EPHA7: variants seen among roughly 807,000 people sequenced by gnomAD.
EPHA7 encodes the protein ephrin type-A receptor 7.
Under a neutral mutation model 112.6 loss-of-function variants are expected in EPHA7, and 25 were observed. The ratio of observed to expected loss-of-function variants is 0.22; its 90% CI spans 0.16 to 0.31. EPHA7 has a LOEUF of 0.31. Ranked by LOEUF, EPHA7 falls within the 10% of genes least tolerant of loss-of-function variation. The pLI is 1.00. For synonymous variants in EPHA7, 437 were observed against 406.5 expected, an observed-to-expected ratio of 1.07 and a Z score of -0.90; for missense variants, 962 against 1,212.6, an observed-to-expected ratio of 0.79 and a Z score of 3.07.
At chr6:93,272,769 A>T (rs530527673) in intron 5 of EPHA7, among the ~76,000 whole-genome samples, 1 of 152,002 alleles carries the variant, frequency 6.6e-6, no homozygotes, top group Admixed American at 6.6e-5. Context: ...CTAAGTCCAA[A>T]TATTTATTTC....
chr6:93,262,704 G>T (rs180697651), intron 9 of EPHA7, among the ~76,000 whole-genome samples: 1 of 151,360 alleles, frequency 6.6e-6, no homozygotes, highest in Non-Finnish European at 1.5e-5. Context: ...TTACATAAAA[G>T]CACTTCTGTT....
At chr6:93,248,421 G>C (rs1216476397) in intron 14 of EPHA7, among the ~76,000 whole-genome samples, 1 of 151,932 alleles carries the variant, frequency 6.6e-6, no homozygotes, top group Non-Finnish European at 1.5e-5. Context: ...CTTAGTTATA[G>C]TAATTTTTGA....
Position 93,419,328 on chromosome 6 carries a change from G to A in EPHA7, c.14C>T (p.Thr5Ile). The A allele has an allele frequency of 6.2e-7, 1 of 1,613,942 alleles. No homozygotes were observed. Among genetic ancestry groups the A allele is most frequent in the South Asian group, 1.1e-5 (1 of 91,058 alleles). ...TAAAATAATCCATGAAGGGTACCGAGTTTGAAAAACCATGGTGCATGAGCA... is the reference window on the plus strand; with the variant it reads ...TAAAATAATCCATGAAGGGTACCGAATTTGAAAAACCATGGTGCATGAGCA... MVFQ[T>I]RYPSWIILCY... is the part of the protein sequence containing the mutation. The change falls in exon 1 of 17, where the codon ACT (threonine) becomes ATT (isoleucine). Residue 5 changes from threonine to isoleucine, a missense_variant. Around this residue, in one of 3 missense-constraint regions of EPHA7, gnomAD observed 56 missense variants for 59.9 expected, o/e 0.94. Transcript: ENST00000369303.
In EPHA7 at chr6:93,240,236, G is replaced by A. The variant is rs1769633468; in HGVS notation, c.*3190C>T. ...GCACATCTCGCCCCGAGTTCCCCATGATTTCTCCACATATAGCAAAAAAAT... is the reference window on the plus strand; with the variant it reads ...GCACATCTCGCCCCGAGTTCCCCATAATTTCTCCACATATAGCAAAAAAAT... On this transcript the variant is annotated 3_prime_UTR_variant, in exon 17 of 17. Transcript: ENST00000369303. 1 of 224,008 alleles carries A rather than the reference G, an allele frequency of 4.5e-6. No homozygotes were observed. Among genetic ancestry groups the A allele is most frequent in the Admixed American group, 5.7e-5 (1 of 17,444 alleles). The allele number at this position is 224,008 out of a possible 1,614,324, so 13.9% of individuals were successfully genotyped here. A position where few individuals can be genotyped will look rare whatever the true frequency, so the allele number is the denominator to read the frequency against.
At chr6:93,356,308 A>G (rs944391243) in intron 5 of EPHA7, among the ~76,000 whole-genome samples, 18 of 151,916 alleles carry the variant, frequency 1.2e-4, no homozygotes, top group African/African-American at 4.4e-4. Flanking sequence ...CCCAGGTTCA[A>G]GTGATTCTCC....
At chr6:93,342,543 T>C (rs1775192423) in intron 5 of EPHA7, among the ~76,000 whole-genome samples, 1 of 151,748 alleles carries the variant, frequency 6.6e-6, no homozygotes, top group South Asian at 2.1e-4. Context: ...GCTGGAGTAA[T>C]CAAATAGAGT....
intron 7 of EPHA7, among the ~76,000 whole-genome samples, chr6:93,267,783 T>C (rs754934236): frequency 2.6e-5 from 4 of 151,696 alleles, no homozygotes; most frequent in Non-Finnish European, 5.9e-5. Flanking sequence ...TAAATGATAG[T>C]TTGGTTTAAT....
chr6:93,405,067 T>C (rs1324458650), intron 3 of EPHA7, among the ~76,000 whole-genome samples: 1 of 151,902 alleles, frequency 6.6e-6, no homozygotes, highest in East Asian at 1.9e-4. Flanking sequence ...TAAAAGTTAA[T>C]GTTCAAGATG....
chr6:93,407,495 T>C (rs942608367), intron 3 of EPHA7, among the ~76,000 whole-genome samples: 1 of 151,988 alleles, frequency 6.6e-6, no homozygotes, highest in Non-Finnish European at 1.5e-5. Context: ...CATGGTTAAG[T>C]AGAAGGTATT....
At chr6:93,319,603 T>C (rs1773969636) in intron 5 of EPHA7, among the ~76,000 whole-genome samples, 1 of 152,008 alleles carries the variant, frequency 6.6e-6, no homozygotes, top group Admixed American at 6.6e-5. Flanking sequence ...AGGAACAAAA[T>C]GGTCTATGCT....
intron 10 of EPHA7, among the ~76,000 whole-genome samples, chr6:93,258,488 A>G (rs1770543506): frequency 6.6e-6 from 1 of 151,888 alleles, no homozygotes; most frequent in Non-Finnish European, 1.5e-5. Flanking sequence ...CCTAGACACA[A>G]AAGTTGTTTA....
chr6:93,382,771 G>A (rs1335421162), intron 3 of EPHA7, among the ~76,000 whole-genome samples: 1 of 152,028 alleles, frequency 6.6e-6, no homozygotes, highest in African/African-American at 2.4e-5. Flanking sequence ...AATCTAACTT[G>A]TCCTTCCAGC....
At chr6:93,325,646 A>G (rs1774282623) in intron 5 of EPHA7, among the ~76,000 whole-genome samples, 1 of 151,372 alleles carries the variant, frequency 6.6e-6, no homozygotes, top group South Asian at 2.1e-4. Context: ...CAACAAAATG[A>G]ACCACCACTT....
chr6:93,256,661 A>C (rs957395743), intron 12 of EPHA7, among the ~76,000 whole-genome samples: 3 of 152,090 alleles, frequency 2.0e-5, no homozygotes, highest in African/African-American at 4.8e-5. Flanking sequence ...GGCCACTTCC[A>C]ACCCATTTTA....
At chr6:93,258,408 T>G (rs761600367) in intron 10 of EPHA7, 124 bp from the exon 11 acceptor site, 2 of 1,038,056 alleles carry the variant, frequency 1.9e-6, no homozygotes, top group Non-Finnish European at 2.7e-6. Flanking sequence ...TTTTAAAATA[T>G]TTTCAAAAAT....
chr6:93,397,672 G>A (rs1053848347), intron 3 of EPHA7, among the ~76,000 whole-genome samples: 8 of 151,816 alleles, frequency 5.3e-5, no homozygotes, highest in Admixed American at 3.9e-4. Context: ...ACTGGCAAGC[G>A]ATACTCAGTT....
intron 5 of EPHA7, among the ~76,000 whole-genome samples, chr6:93,299,064 A>C (rs868138993): frequency 9.9e-5 from 15 of 151,734 alleles, no homozygotes; most frequent in Non-Finnish European, 1.6e-4. Context: ...CGGTGGCTCA[A>C]GCCTGTAATC....
At chr6:93,399,073 C>T (rs1283190553) in intron 3 of EPHA7, among the ~76,000 whole-genome samples, 1 of 152,004 alleles carries the variant, frequency 6.6e-6, no homozygotes, top group African/African-American at 2.4e-5. Context: ...CTTGCAAGGG[C>T]AGAGAGGTTA....
chr6:93,302,671 G>T (rs892015707), intron 5 of EPHA7, among the ~76,000 whole-genome samples: 1 of 152,160 alleles, frequency 6.6e-6, no homozygotes, highest in Non-Finnish European at 1.5e-5. Context: ...TTATGAAGTT[G>T]TTTATACAGA....
Sources: gnomAD v4.1 joint callset for allele counts (sites outside exome capture counted in the v4.1 genomes callset) on GRCh38, gnomAD v4.1.1 for gene constraint, gnomAD v4.1.1 regional missense constraint, MANE v1.5 for transcripts, NCBI Gene and HGNC (gene_info 2026-07-23, HGNC 2026-07-21) for gene names.